The following EDAR variants were observed in gnomAD, a reference collection of about 807,000 sequenced individuals.
EDAR encodes the protein ectodysplasin A receptor.
Under a neutral mutation model 51.3 loss-of-function variants are expected in EDAR, and 38 were observed. The ratio of observed to expected loss-of-function variants is 0.74; its 90% CI spans 0.57 to 0.97. EDAR has a LOEUF of 0.97. Among genes scored for constraint, EDAR ranks in the 50% least tolerant of loss-of-function variants. EDAR has a pLI of 0.00. For synonymous variants in EDAR, 227 were observed against 242.1 expected (o/e 0.94, Z 0.58); for missense variants, 528 against 595.0 (o/e 0.89, Z 1.17).
intron 1 of EDAR, among the ~76,000 whole-genome samples, chr2:108,954,885 C>T (rs1404512370): frequency 6.6e-6 from 1 of 151,980 alleles, no homozygotes; most frequent in South Asian, 2.1e-4. Flanking sequence ...GATTTCACCA[C>T]GTTGGCCAGG....
Position 108,939,649 on chromosome 2 carries a change from T to C in EDAR, c.-18-8617A>G, listed in dbSNP as rs142409781. ...TCACAGTGTATCCCCTGTAAGGCCA[T>C]TGCTATACCCTCTTCTCTCAGCAAT... On this transcript the variant is annotated intron_variant, in intron 1 of 11. Coordinates refer to ENST00000258443, the MANE Select transcript of EDAR (RefSeq NM_022336.4). Among the ~76,000 whole-genome samples the C allele has an allele frequency of 4.6e-5, 7 of 152,318 alleles. 1 individual carries two copies. Among genetic ancestry groups the C allele is most frequent in the African/African-American group, 1.7e-4 (7 of 41,564 alleles).
chr2:108,971,813 G>A (rs778539894), intron 1 of EDAR, among the ~76,000 whole-genome samples: 8 of 152,188 alleles, frequency 5.3e-5, no homozygotes, highest in Non-Finnish European at 5.9e-5. Context: ...CTGTGTGAAC[G>A]GGCTGGATTT....
intron 1 of EDAR, among the ~76,000 whole-genome samples, chr2:108,950,355 A>G (rs949900299): frequency 6.6e-6 from 1 of 151,406 alleles, no homozygotes; most frequent in South Asian, 2.1e-4. Context: ...GGCTCGAATG[A>G]TCCTCCCGCC....
intron 1 of EDAR, among the ~76,000 whole-genome samples, chr2:108,980,414 A>G (rs146936863): frequency 1.3e-5 from 2 of 152,144 alleles, no homozygotes; most frequent in East Asian, 1.9e-4. Context: ...CTCAGCAGCA[A>G]GTCGTGATTT....
rs140728974 is a variant in EDAR at position 108,930,216 on chromosome 2, C to T, written c.78G>A (p.Ala26=). 130 of 1,614,106 alleles carry T rather than the reference C, an allele frequency of 8.1e-5. No homozygotes were observed. The highest frequency in any genetic ancestry group is 6.6e-4 in the Middle Eastern group (4 of 6,062). The part of the protein sequence containing the change: ...LVVSLMCSAR[A]EYSNCGENEY... ...CGTTCTCACCGCAGTTTGAGTATTC[C>T]GCTCGGGCTGAGCACATCAGAGACA... The change falls in exon 3 of 12, where the codon GCG becomes GCA. Residue 26 remains alanine (A), a synonymous_variant. Coordinates refer to ENST00000258443, the MANE Select transcript of EDAR (RefSeq NM_022336.4).
At chr2:108,983,697 T>C (rs549151493) in intron 1 of EDAR, among the ~76,000 whole-genome samples, 3 of 152,284 alleles carry the variant, frequency 2.0e-5, no homozygotes, top group African/African-American at 7.2e-5. Context: ...AATCAAACTT[T>C]CCAGGTGCTG....
intron 5 of EDAR, among the ~76,000 whole-genome samples, chr2:108,919,285 G>A (rs1031592690): frequency 1.3e-5 from 2 of 152,192 alleles, no homozygotes; most frequent in Non-Finnish European, 2.9e-5. Flanking sequence ...TTGCCTGAGG[G>A]GACTTCGTCA....
chr2:108,910,480 A>G lies in EDAR; in HGVS notation c.783T>C (p.Thr261=). The change falls in exon 9 of 12, where the codon ACT becomes ACC. Residue 261 remains threonine (T), a synonymous_variant. Transcript: ENST00000258443. ...CATACCTCTTGGTGGGCTTTGCTGG[A>G]GTTGCTGTCAGCTTCTCAAATTCAT... The part of the protein sequence containing the change: ...EKDEFEKLTA[T]PAKPTKSEND... 1 of 1,613,848 alleles carries G rather than the reference A, an allele frequency of 6.2e-7. No individual in the cohort carries two copies. Among genetic ancestry groups the G allele is most frequent in the African/African-American group, 1.3e-5 (1 of 75,030 alleles).
rs61201295 is a variant in EDAR, at chr2:108,931,623, G to T, written c.-18-591C>A. ...AGGTCACACAGCTACTTAAGGGATT[G>T]AAGGGATTGAGCATGGCTGCAGCTG... On this transcript the variant is annotated intron_variant, in intron 1 of 11. Coordinates refer to ENST00000258443, the MANE Select transcript of EDAR (RefSeq NM_022336.4). Among the ~76,000 whole-genome samples the T allele has an allele frequency of 9.0e-3, 1,369 of 152,330 alleles. 22 individuals are homozygous for T. Among genetic ancestry groups the T allele is most frequent in the African/African-American group, 0.03 (1,252 of 41,560 alleles).
intron 1 of EDAR, among the ~76,000 whole-genome samples, chr2:108,982,360 C>T (rs1420258387): frequency 1.3e-5 from 2 of 152,228 alleles, no homozygotes; most frequent in Non-Finnish European, 2.9e-5. Context: ...TGTCCTGCCA[C>T]CAAAGGCCTC....
intron 1 of EDAR, among the ~76,000 whole-genome samples, chr2:108,969,050 G>A (rs1242821666): frequency 2.6e-5 from 4 of 152,156 alleles, no homozygotes; most frequent in Non-Finnish European, 5.9e-5. Flanking sequence ...CCCTCATTAA[G>A]GAGCTGAATG....
chr2:108,948,417 GC>G lies in EDAR; in HGVS notation c.-18-17386del, dbSNP rs1334901191. Among the ~76,000 whole-genome samples the G allele has an allele frequency of 1.3e-4, 20 of 152,274 alleles. No homozygotes were observed. In the South Asian group the frequency reaches 3.9e-3, roughly 30 times the overall value. Reference sequence around the variant, plus strand: ...TCCAAATTTTCAGGTTGTCTTTATAGCAGTACCCCAATCTACCAGTACCAAT... The same window carrying G: ...TCCAAATTTTCAGGTTGTCTTTATAGAGTACCCCAATCTACCAGTACCAAT... On this transcript the variant is annotated intron_variant, in intron 1 of 11. Transcript: ENST00000258443.
chr2:108,937,733 G>C (rs1697505174), intron 1 of EDAR, among the ~76,000 whole-genome samples: 2 of 151,944 alleles, frequency 1.3e-5, no homozygotes, highest in South Asian at 4.1e-4. Context: ...GTGTGTATCT[G>C]TGTATGAGTG....
chr2:108,920,127 G>C (rs1420221955), intron 5 of EDAR, among the ~76,000 whole-genome samples: 1 of 152,228 alleles, frequency 6.6e-6, no homozygotes, highest in Non-Finnish European at 1.5e-5. Flanking sequence ...GTCAGTGAGG[G>C]AAGTGCAGGC....
intron 11 of EDAR, among the ~76,000 whole-genome samples, chr2:108,904,525 A>G (rs575368074): frequency 6.6e-6 from 1 of 152,310 alleles, no homozygotes; most frequent in Admixed American, 6.5e-5. Flanking sequence ...TATTTATAGC[A>G]CCTTTATTCA....
intron 11 of EDAR, among the ~76,000 whole-genome samples, chr2:108,904,187 G>C (rs935175290): frequency 6.6e-6 from 1 of 151,780 alleles, no homozygotes; most frequent in Non-Finnish European, 1.5e-5. Flanking sequence ...TTACTGAAGA[G>C]GACACACAGA....
At chr2:108,912,527 G>A in intron 6 of EDAR, 151 bp downstream of exon 6, 1 of 757,774 alleles carries the variant, frequency 1.3e-6, no homozygotes, top group Non-Finnish European at 2.3e-6. Flanking sequence ...CCTGCACGGG[G>A]GGCAACATGT....
intron 11 of EDAR, among the ~76,000 whole-genome samples, chr2:108,904,259 G>A (rs990468392): frequency 6.6e-6 from 1 of 152,088 alleles, no homozygotes; most frequent in Non-Finnish European, 1.5e-5. Flanking sequence ...ACCACAATAA[G>A]ATATCATAAC....
At chr2:108,929,063 G>T in intron 4 of EDAR, 135 bp downstream of exon 4, 1 of 1,030,022 alleles carries the variant, frequency 9.7e-7, no homozygotes, top group Non-Finnish European at 1.5e-6. Context: ...CTTGTGGGAT[G>T]GGACCAAGGC....
Sources: gnomAD v4.1 joint callset for allele counts (sites outside exome capture counted in the v4.1 genomes callset) on GRCh38, gnomAD v4.1.1 for gene constraint, MANE v1.5 for transcripts, NCBI Gene and HGNC (gene_info 2026-07-23, HGNC 2026-07-21) for gene names.